The following ABHD13 variants were observed in gnomAD, a reference collection of about 807,000 sequenced individuals.
ABHD13 encodes the protein abhydrolase domain containing 13.
In ABHD13, 7 loss-of-function variants were observed where a neutral mutation model predicts 25.2. The observed-to-expected ratio is 0.28, with a 90% CI of 0.16 to 0.52. The LOEUF (loss-of-function observed/expected upper bound fraction) is 0.52. Ranked by LOEUF, ABHD13 falls within the 20% of genes least tolerant of loss-of-function variation. The probability of loss-of-function intolerance (pLI) is 0.96; values close to 1 mark genes in which losing one functional copy is unlikely to be tolerated. For synonymous variants in ABHD13, 133 were observed against 136.1 expected (o/e 0.98, Z 0.16); for missense variants, 302 against 402.7 (o/e 0.75, Z 2.14).
chr13:108,230,148 A>G lies in ABHD13; in HGVS notation c.930A>G (p.Ala310=), dbSNP rs1370172827. The G allele has an allele frequency of 1.2e-6, 2 of 1,612,886 alleles. No individual in the cohort carries two copies. Among genetic ancestry groups the G allele is most frequent in the Admixed American group, 1.7e-5 (1 of 59,846 alleles). The change falls in exon 2 of 2, where the codon GCA becomes GCG. Residue 310 remains alanine, a synonymous_variant. Coordinates refer to ENST00000375898, the MANE Select transcript of ABHD13 (RefSeq NM_032859.3). ...GGCAGTGCCAAGGCTATTTCACTGC[A>G]CTTGAACAGTTCATCAAAGAAGTCG... is the stretch of plus-strand genomic sequence containing the variant. ...DTWQCQGYFT[A]LEQFIKEVVK...
chr13:108,222,546 T>C (rs1177330285), intron 1 of ABHD13, among the ~76,000 whole-genome samples: 1 of 152,154 alleles, frequency 6.6e-6, no homozygotes, highest in African/African-American at 2.4e-5. Flanking sequence ...AGCTTTTTGG[T>C]CTCAGACCGT....
intron 1 of ABHD13, among the ~76,000 whole-genome samples, chr13:108,224,394 C>T (rs745402255): frequency 2.0e-5 from 3 of 152,298 alleles, no homozygotes; most frequent in East Asian, 1.9e-4. Context: ...CAGTGGTCCA[C>T]GCTGGGTTTC....
At chr13:108,228,749 C>T (rs142395153) in intron 1 of ABHD13, among the ~76,000 whole-genome samples, 10 of 151,822 alleles carry the variant, frequency 6.6e-5, no homozygotes, top group African/African-American at 1.7e-4. Context: ...CCTGGACATA[C>T]GTAACCTAAC....
intron 1 of ABHD13, among the ~76,000 whole-genome samples, chr13:108,227,014 C>A (rs1336021765): frequency 2.0e-5 from 3 of 152,074 alleles, no homozygotes; most frequent in Non-Finnish European, 4.4e-5. Context: ...TTTTATTAAC[C>A]TGTTCTTAAA....
chr13:108,226,273 T>G (rs1280123587), intron 1 of ABHD13, among the ~76,000 whole-genome samples: 1 of 152,214 alleles, frequency 6.6e-6, no homozygotes, highest in Admixed American at 6.5e-5. Flanking sequence ...AGCTGCTTCA[T>G]GCTCCACAGG....
rs1486441533 is a variant in ABHD13, at chr13:108,230,282, A to G, written c.*50A>G. The G allele has an allele frequency of 9.1e-6, 13 of 1,428,118 alleles. No homozygotes were observed. Among genetic ancestry groups the G allele is most frequent in the Non-Finnish European group, 1.2e-5 (13 of 1,066,410 alleles). The allele number at this position is 1,428,118 out of a possible 1,614,324, so 88.5% of individuals were successfully genotyped here. ...TGTATTTTAATTTGTGCAGAATGAT[A>G]AAGAATGTTCCTTTTAGAAGTGTGT... is the stretch of plus-strand genomic sequence containing the variant. On this transcript the variant is annotated 3_prime_UTR_variant, in exon 2 of 2. Transcript: ENST00000375898.
In ABHD13 at chr13:108,218,656, C is replaced by T. The variant is rs1213037809; in HGVS notation, c.-24C>T. The T allele has an allele frequency of 6.6e-6, 1 of 151,722 alleles. No homozygotes were observed. The highest frequency in any genetic ancestry group is 1.5e-5 in the Non-Finnish European group (1 of 67,856). 9.4% of individuals were successfully genotyped at this position (151,722 alleles called of 1,614,324 possible). On this transcript the variant is annotated 5_prime_UTR_variant, in exon 1 of 2. Coordinates refer to ENST00000375898, the MANE Select transcript of ABHD13 (RefSeq NM_032859.3). Reference sequence around the variant, plus strand: ...CCGACTGCGCAGCCTGTCCGCGAGTCTGAGTAAGTGCGGCTCGGGGACCCC... The same window carrying T: ...CCGACTGCGCAGCCTGTCCGCGAGTTTGAGTAAGTGCGGCTCGGGGACCCC...
At chr13:108,222,602 T>C (rs1400383468) in intron 1 of ABHD13, among the ~76,000 whole-genome samples, 1 of 152,172 alleles carries the variant, frequency 6.6e-6, no homozygotes, top group African/African-American at 2.4e-5. Context: ...TTTGTATGTA[T>C]GTGGATTATA....
Position 108,231,119 on chromosome 13 carries a change from A to G in ABHD13, c.*887A>G, listed in dbSNP as rs1157705830. ...CATAGTGAAGATTAGCACTACTTAG[A>G]ATTAAATTAGGAAGTCTTTTATCAT... On this transcript the variant is annotated 3_prime_UTR_variant, in exon 2 of 2. Coordinates refer to ENST00000375898, the MANE Select transcript of ABHD13 (RefSeq NM_032859.3). 2 of 166,626 alleles carry G rather than the reference A, an allele frequency of 1.2e-5. No individual in the cohort carries two copies. The highest frequency in any genetic ancestry group is 4.8e-5 in the African/African-American group (2 of 41,430). 10.3% of individuals were successfully genotyped at this position (166,626 alleles called of 1,614,324 possible).
chr13:108,224,181 G>A (rs11841388), intron 1 of ABHD13, among the ~76,000 whole-genome samples: 4 of 152,126 alleles, frequency 2.6e-5, no homozygotes, highest in African/African-American at 9.7e-5. Flanking sequence ...TTCTTTGTCT[G>A]CTCTATAATT....
At position 108,232,698 on chromosome 13, in the gene ABHD13, A is replaced by G. The variant is rs1879833379; in HGVS notation, c.*2466A>G. 1 of 166,908 alleles carries G rather than the reference A, an allele frequency of 6.0e-6. No homozygotes were observed. Among genetic ancestry groups the G allele is most frequent in the African/African-American group, 2.4e-5 (1 of 41,442 alleles). The allele number at this position is 166,908 out of a possible 1,614,324, so 10.3% of individuals were successfully genotyped here. On this transcript the variant is annotated 3_prime_UTR_variant, in exon 2 of 2. Transcript: ENST00000375898. ...GAACTTTAAGTTATTAAGTTACTATAAATTTGGGGATCCTAGAGTGATCTT... is the reference window on the plus strand; with the variant it reads ...GAACTTTAAGTTATTAAGTTACTATGAATTTGGGGATCCTAGAGTGATCTT...
At chr13:108,220,821 CAA>C (rs1224309819) in intron 1 of ABHD13, among the ~76,000 whole-genome samples, 1 of 152,164 alleles carries the variant, frequency 6.6e-6, no homozygotes, top group Admixed American at 6.5e-5. Context: ...TTATACAAAA[CAA>C]ATATTCTAAG....
intron 1 of ABHD13, among the ~76,000 whole-genome samples, chr13:108,223,603 C>T (rs1044156134): frequency 1.3e-5 from 2 of 152,204 alleles, no homozygotes; most frequent in African/African-American, 4.8e-5. Context: ...CACGTGAGGC[C>T]ACTACCTTGA....
Position 108,229,208 on chromosome 13 carries a change from A to G in ABHD13, c.-11A>G. ...CCCTCTCTCTCTCTAGGATACTTAC[A>G]GAGAGCTACAATGGAAAAGTCCTGG... On this transcript the variant is annotated 5_prime_UTR_variant, in exon 2 of 2. Coordinates refer to ENST00000375898, the MANE Select transcript of ABHD13 (RefSeq NM_032859.3). This position sits in a 1 kb window ranked among gnomAD's most constrained non-coding sequence, Gnocchi z 4.7. 1 of 1,532,682 alleles carries G rather than the reference A, an allele frequency of 6.5e-7. No homozygotes were observed. Among genetic ancestry groups the G allele is most frequent in the Non-Finnish European group, 8.7e-7 (1 of 1,147,192 alleles). The allele number at this position is 1,532,682 out of a possible 1,614,324, so 94.9% of individuals were successfully genotyped here. A position where few individuals can be genotyped will look rare whatever the true frequency, so the allele number is the denominator to read the frequency against.
rs770307610 is a variant in ABHD13 at position 108,229,743 on chromosome 13, C to T, written c.525C>T (p.Tyr175=). 1.1e-5 allele frequency: 17 copies of T among 1,613,342 alleles called. No individual in the cohort carries two copies. Among genetic ancestry groups the T allele is most frequent in the East Asian group, 4.5e-5 (2 of 44,856 alleles). The change falls in exon 2 of 2, where the codon TAC becomes TAT. Residue 175 remains tyrosine (Y), a synonymous_variant. Coordinates refer to ENST00000375898, the MANE Select transcript of ABHD13 (RefSeq NM_032859.3). This position sits in a 1 kb window ranked among gnomAD's most constrained non-coding sequence, Gnocchi z 4.7. ...TAGATTCTGAAGCTGTGTTAGACTA[C>T]GTGATGACTAGACCTGACCTTGATA... The part of the protein sequence containing the change: ...LYLDSEAVLD[Y]VMTRPDLDKT...
Position 108,234,114 on chromosome 13 carries a change from CAT to C in ABHD13, c.*3884_*3885del, listed in dbSNP as rs1413247709. 1.2e-5 allele frequency: 2 copies of C among 166,864 alleles called. No individual in the cohort carries two copies. The highest frequency in any genetic ancestry group is 2.4e-5 in the African/African-American group (1 of 41,416). The allele number at this position is 166,864 out of a possible 1,614,324, so 10.3% of individuals were successfully genotyped here. A position where few individuals can be genotyped will look rare whatever the true frequency, so the allele number is the denominator to read the frequency against. On this transcript the variant is annotated 3_prime_UTR_variant, in exon 2 of 2. Transcript: ENST00000375898. ...AATTTTATAACTCAAATTTGAATGT[CAT>C]AGTACATTGTGTGCTAACCATGGCA...
chr13:108,225,862 C>T (rs754694293), intron 1 of ABHD13, among the ~76,000 whole-genome samples: 2 of 152,294 alleles, frequency 1.3e-5, no homozygotes, highest in South Asian at 2.1e-4. Context: ...CTAATTGGCT[C>T]TCCTACTCAG....
Position 108,229,044 on chromosome 13 carries a change from C to T in ABHD13, c.-20-155C>T, listed in dbSNP as rs1226857294. Among the ~76,000 whole-genome samples the T allele has an allele frequency of 2.0e-5, 3 of 151,932 alleles. No homozygotes were observed. The highest frequency in any genetic ancestry group is 2.9e-5 in the Non-Finnish European group (2 of 67,912). On this transcript the variant is annotated intron_variant, in intron 1 of 1. Transcript: ENST00000375898. This position sits in a 1 kb window ranked among gnomAD's most constrained non-coding sequence, Gnocchi z 4.7. ...AGGAAACTGTTGAGAACAGAAAGGACAAGGGAAATTATAGCAGCTACTTTT... is the reference window on the plus strand; with the variant it reads ...AGGAAACTGTTGAGAACAGAAAGGATAAGGGAAATTATAGCAGCTACTTTT...
intron 1 of ABHD13, among the ~76,000 whole-genome samples, chr13:108,219,803 G>A (rs1879512426): frequency 2.0e-5 from 3 of 152,216 alleles, no homozygotes. Context: ...TGGGTGGCAG[G>A]AGGGAATAGG....
Sources: gnomAD v4.1 joint callset for allele counts (sites outside exome capture counted in the v4.1 genomes callset) on GRCh38, gnomAD v4.1.1 for gene constraint, Gnocchi (gnomAD v3.1) non-coding constraint, MANE v1.5 for transcripts, NCBI Gene and HGNC (gene_info 2026-07-23, HGNC 2026-07-21) for gene names.